KPNA6: variants seen among roughly 807,000 people sequenced by gnomAD.
KPNA6 encodes importin subunit alpha-7.
A neutral mutation model predicts 72.0 loss-of-function variants in KPNA6; 9 were observed. The observed-to-expected ratio is 0.13, with a 90% CI of 0.08 to 0.22. The LOEUF is 0.22. Ranked by LOEUF, KPNA6 falls within the 10% of genes least tolerant of loss-of-function variation. The pLI is 1.00. For synonymous variants in KPNA6, 219 were observed against 242.1 expected (o/e 0.90, Z 0.89); for missense variants, 374 against 655.7 (o/e 0.57, Z 4.69).
At chr1:32,144,354 T>G (rs895759107) in intron 1 of KPNA6, among the ~76,000 whole-genome samples, 1 of 152,230 alleles carries the variant, frequency 6.6e-6, no homozygotes, top group Admixed American at 6.5e-5. Flanking sequence ...TTAAAACTTA[T>G]GAATTGTTTT....
chr1:32,150,623 A>C (rs972258119), intron 1 of KPNA6, among the ~76,000 whole-genome samples: 2 of 151,418 alleles, frequency 1.3e-5, no homozygotes, highest in African/African-American at 4.8e-5. Context: ...CATGTATAGT[A>C]CTTTTTGTTG....
chr1:32,138,349 G>A (rs1641777232), intron 1 of KPNA6, among the ~76,000 whole-genome samples: 1 of 151,782 alleles, frequency 6.6e-6, no homozygotes, highest in South Asian at 2.1e-4. Flanking sequence ...GTCGAGACCA[G>A]CCTGACCAAC....
rs1208637590 is a variant in KPNA6 at position 32,143,590 on chromosome 1, AAG to A, written c.5-10996_5-10995del. Among the ~76,000 whole-genome samples, 41 of 150,338 alleles carry A rather than the reference AAG, an allele frequency of 2.7e-4. 1 individual carries two copies. The highest frequency in any genetic ancestry group is 5.6e-4 in the Non-Finnish European group (38 of 67,756). On this transcript the variant is annotated intron_variant, in intron 1 of 13. Coordinates refer to ENST00000373625, the MANE Select transcript of KPNA6 (RefSeq NM_012316.5). ...TCTGTCTTAAAAAAAAAAAAAAGAA[AAG>A]AAAAAAAAATTATTAGTGATAAAAT...
At chr1:32,146,313 T>C (rs1402891351) in intron 1 of KPNA6, among the ~76,000 whole-genome samples, 1 of 152,240 alleles carries the variant, frequency 6.6e-6, no homozygotes, top group African/African-American at 2.4e-5. Flanking sequence ...TTATTGCATA[T>C]GTTTTTTAAT....
chr1:32,144,164 T>C (rs1269989702), intron 1 of KPNA6, among the ~76,000 whole-genome samples: 1 of 152,202 alleles, frequency 6.6e-6, no homozygotes, highest in East Asian at 1.9e-4. Flanking sequence ...ATCATCACTT[T>C]TGCACTTTGG....
At chr1:32,153,394 C>T (rs183056190) in intron 1 of KPNA6, among the ~76,000 whole-genome samples, 63 of 151,658 alleles carry the variant, frequency 4.2e-4, no homozygotes, top group African/African-American at 1.3e-3. Context: ...GGTGAAACCC[C>T]GTCTCTACTA....
At chr1:32,123,930 A>G (rs888514992) in intron 1 of KPNA6, among the ~76,000 whole-genome samples, 4 of 146,462 alleles carry the variant, frequency 2.7e-5, no homozygotes, top group African/African-American at 1.0e-4. Context: ...GCTACTCAGG[A>G]GGCTGAGGCA....
At chr1:32,164,142 G>A (rs1642290062) in intron 10 of KPNA6, among the ~76,000 whole-genome samples, 1 of 152,162 alleles carries the variant, frequency 6.6e-6, no homozygotes, top group Non-Finnish European at 1.5e-5. Flanking sequence ...CCTCATGTAA[G>A]TGGAATCATA....
chr1:32,169,204 CAAAAAAT>C (rs1201890613), intron 12 of KPNA6, among the ~76,000 whole-genome samples: 5 of 151,616 alleles, frequency 3.3e-5, no homozygotes, highest in Admixed American at 2.0e-4. Context: ...TTTGTCTCTA[CAAAAAAT>C]AAAAAATAAA....
At chr1:32,147,360 C>A (rs1293900743) in intron 1 of KPNA6, among the ~76,000 whole-genome samples, 1 of 152,166 alleles carries the variant, frequency 6.6e-6, no homozygotes, top group East Asian at 1.9e-4. Context: ...GGTGCAATCA[C>A]AAGTCACTGC....
chr1:32,126,485 A>G (rs906952405), intron 1 of KPNA6, among the ~76,000 whole-genome samples: 4 of 152,164 alleles, frequency 2.6e-5, no homozygotes, highest in African/African-American at 9.6e-5. Flanking sequence ...CCTGGGTTCA[A>G]GTGATTCTTC....
intron 1 of KPNA6, among the ~76,000 whole-genome samples, chr1:32,144,535 T>C (rs1447878021): frequency 6.6e-6 from 1 of 152,232 alleles, no homozygotes; most frequent in East Asian, 1.9e-4. Flanking sequence ...CCACAGTGGC[T>C]GCACCATTTT....
At chr1:32,151,555 C>T (rs1430021608) in intron 1 of KPNA6, among the ~76,000 whole-genome samples, 1 of 152,180 alleles carries the variant, frequency 6.6e-6, no homozygotes, top group Non-Finnish European at 1.5e-5. Context: ...TTTCAGCCAC[C>T]TCAGTCTCAC....
At chr1:32,143,125 C>T (rs928439595) in intron 1 of KPNA6, 10 of 614,652 alleles carry the variant, frequency 1.6e-5, no homozygotes, top group Non-Finnish European at 2.4e-5. Context: ...TGCAGAGGTG[C>T]AGACACAGCT....
intron 1 of KPNA6, among the ~76,000 whole-genome samples, chr1:32,119,187 C>T (rs571020530): frequency 4.4e-4 from 67 of 151,154 alleles, no homozygotes; most frequent in African/African-American, 1.6e-3. Context: ...TCCACAACCA[C>T]GCCTGGCTAA....
intron 10 of KPNA6, among the ~76,000 whole-genome samples, chr1:32,165,630 A>G (rs746642676): frequency 1.2e-4 from 18 of 152,136 alleles, no homozygotes; most frequent in Non-Finnish European, 2.5e-4. Context: ...TGAGACTGGG[A>G]GGTCAAGGCT....
intron 1 of KPNA6, among the ~76,000 whole-genome samples, chr1:32,109,491 T>G (rs780707944): frequency 4.6e-5 from 7 of 151,932 alleles, no homozygotes; most frequent in African/African-American, 1.2e-4. Flanking sequence ...GTTTTGTTTT[T>G]TTTTTTAAAT....
intron 4 of KPNA6, 42 bp downstream of exon 4, chr1:32,157,487 A>C: frequency 7.0e-7 from 1 of 1,422,696 alleles, no homozygotes; most frequent in South Asian, 1.2e-5. Flanking sequence ...TATATGATTT[A>C]GCCTCTTTTC....
intron 5 of KPNA6, among the ~76,000 whole-genome samples, chr1:32,158,673 C>A (rs1642186320): frequency 6.6e-6 from 1 of 152,074 alleles, no homozygotes; most frequent in African/African-American, 2.4e-5. Flanking sequence ...CCCCATCCCA[C>A]CCCCAGTCCC....
Sources: gnomAD v4.1 joint callset for allele counts (sites outside exome capture counted in the v4.1 genomes callset) on GRCh38, gnomAD v4.1.1 for gene constraint, MANE v1.5 for transcripts, NCBI Gene and HGNC (gene_info 2026-07-23, HGNC 2026-07-21) for gene names.